Variants in EXOSC3 observed in about 807,000 individuals in gnomAD.
The protein encoded by EXOSC3 is exosome component 3, also known as exosome complex component RRP40.
EXOSC3 carries 18 observed loss-of-function variants against 25.1 expected under a neutral mutation model. That is an observed-to-expected ratio of 0.72 (90% CI 0.50 to 1.06). EXOSC3 has a LOEUF of 1.06. EXOSC3 is among the 50% of genes least tolerant of loss of function. The probability of loss-of-function intolerance (pLI) is 0.00; values close to 1 mark genes in which losing one functional copy is unlikely to be tolerated. For synonymous variants in EXOSC3, 165 were observed against 132.2 expected, an observed-to-expected ratio of 1.25 and a Z score of -1.70; for missense variants, 382 against 350.9, an observed-to-expected ratio of 1.09 and a Z score of -0.71.
rs748194453 is a variant in EXOSC3 at position 37,785,024 on chromosome 9, G to A, written c.21C>T (p.Val7=). Residue 7 remains valine, a synonymous_variant, in exon 1 of 4, where the codon GTC becomes GTT. Transcript: ENST00000327304. ...TGCTGCCCGCGAGAGATTCAGCCGC[G>A]ACAGACGCAGGTTCGGCCATCGCGG... MAEPAS[V]AAESLAGSRA... is the part of the protein sequence containing the mutation. 3 of 1,600,564 alleles carry A rather than the reference G, an allele frequency of 1.9e-6. No homozygotes were observed. The highest frequency in any genetic ancestry group is 1.1e-5 in the South Asian group (1 of 90,730).
In EXOSC3 at chr9:37,784,939, G is replaced by A; in HGVS notation, c.106C>T (p.Leu36=). ...CCTTCCGCGTCCTCCTGTTCCGGCA[G>A]GAGCAGCTCCTCACCCGGGAGCACC... ...QVVLPGEELL[L]PEQEDAEGPG... is the part of the protein sequence containing the mutation. The change falls in exon 1 of 4, where the codon CTG becomes TTG. Residue 36 remains leucine, a synonymous_variant. Transcript: ENST00000327304. 1.9e-6 allele frequency: 3 copies of A among 1,611,826 alleles called. No homozygotes were observed. The highest frequency in any genetic ancestry group is 2.2e-5 in the East Asian group (1 of 44,782).
chr9:37,781,880 A>T, intron 3 of EXOSC3, 106 bp downstream of exon 3: 1 of 1,239,430 alleles, frequency 8.1e-7, no homozygotes, highest in Non-Finnish European at 1.1e-6. Flanking sequence ...TCTAACTCTG[A>T]GGAGAAATTC....
At chr9:37,783,813 C>A in intron 2 of EXOSC3, 101 bp downstream of exon 2, 1 of 1,320,662 alleles carries the variant, frequency 7.6e-7, no homozygotes, top group Admixed American at 2.4e-5. Context: ...GCTCAGAGAT[C>A]TAGGTCATGC....
chr9:37,784,778 C>T lies in EXOSC3; in HGVS notation c.267G>A (p.Lys89=). The T allele has an allele frequency of 6.2e-7, 1 of 1,607,536 alleles. No homozygotes were observed. The highest frequency in any genetic ancestry group is 1.3e-5 in the African/African-American group (1 of 75,026). Reference sequence around the variant, plus strand: ...CGCCGCCGCTGCCACTGCCGGGCTCCTTGTGACGGAGGCGGCCGCACTTGG... The same window carrying T: ...CGCCGCCGCTGCCACTGCCGGGCTCTTTGTGACGGAGGCGGCCGCACTTGG... The part of the protein sequence containing the change: ...LVTKCGRLRH[K]EPGSGSGGGV... Residue 89 remains lysine, a synonymous_variant, in exon 1 of 4, where the codon AAG becomes AAA. Transcript: ENST00000327304.
chr9:37,781,287 C>T (rs1828588741), intron 3 of EXOSC3, among the ~76,000 whole-genome samples: 1 of 151,496 alleles, frequency 6.6e-6, no homozygotes, highest in Non-Finnish European at 1.5e-5. Context: ...CTCTTTCAAA[C>T]CATAAGGGTG....
chr9:37,781,273 T>C (rs746691482), intron 3 of EXOSC3, among the ~76,000 whole-genome samples: 1 of 151,810 alleles, frequency 6.6e-6, no homozygotes, highest in Non-Finnish European at 1.5e-5. Flanking sequence ...GAGAGGAACA[T>C]TGGCTCTTTC....
At chr9:37,781,467 A>AGTT (rs1330070349) in intron 3 of EXOSC3, among the ~76,000 whole-genome samples, 3 of 150,990 alleles carry the variant, frequency 2.0e-5, no homozygotes, top group Admixed American at 1.3e-4. Context: ...GGGTGGGTAA[A>AGTT]GTTCTAAACA....
Position 37,784,831 on chromosome 9 carries a change from G to C in EXOSC3, c.214C>G (p.Arg72Gly). 2 of 1,608,180 alleles carry C rather than the reference G, an allele frequency of 1.2e-6. No individual in the cohort carries two copies. Among genetic ancestry groups the C allele is most frequent in the Non-Finnish European group, 1.7e-6 (2 of 1,177,730 alleles). The change falls in exon 1 of 4, where the codon CGG (arginine) becomes GGG (glycine). Residue 72 changes from arginine (R) to glycine (G), a missense_variant. Arg to Gly is a moderately radical substitution (Grantham distance 125). Coordinates refer to ENST00000327304, the MANE Select transcript of EXOSC3 (RefSeq NM_016042.4). ...RVRVVCGPGL[R>G]RCGDRLLVTK... ...ACCAGCAGGCGGTCCCCACAGCGCC[G>C]AAGGCCCGGACCGCATACAACGCGC...
chr9:37,785,021 C>G lies in EXOSC3; in HGVS notation c.24G>C (p.Ala8=), dbSNP rs755145404. MAEPASV[A]AESLAGSRAR... ...CCCTGCTGCCCGCGAGAGATTCAGC[C>G]GCGACAGACGCAGGTTCGGCCATCG... Residue 8 remains alanine, a synonymous_variant, in exon 1 of 4, where the codon GCG becomes GCC. Coordinates refer to ENST00000327304, the MANE Select transcript of EXOSC3 (RefSeq NM_016042.4). The G allele has an allele frequency of 1.2e-6, 2 of 1,601,016 alleles. No homozygotes were observed. The highest frequency in any genetic ancestry group is 1.7e-6 in the Non-Finnish European group (2 of 1,171,996).
chr9:37,784,185 T>C, intron 1 of EXOSC3, 122 bp from the exon 2 acceptor site: 4 of 1,081,586 alleles, frequency 3.7e-6, no homozygotes, highest in Middle Eastern at 2.2e-4. Flanking sequence ...CAAATGCCAC[T>C]TTCGGTAAAA....
chr9:37,781,804 G>T, intron 3 of EXOSC3, 182 bp downstream of exon 3: 1 of 657,104 alleles, frequency 1.5e-6, no homozygotes, highest in Non-Finnish European at 2.5e-6. Flanking sequence ...ATCTGAATTT[G>T]ATATGTTTCC....
At chr9:37,781,810 T>C (rs1053816831) in intron 3 of EXOSC3, 176 bp downstream of exon 3, 5 of 686,214 alleles carry the variant, frequency 7.3e-6, no homozygotes, top group Non-Finnish European at 1.2e-5. Flanking sequence ...ATTTGATATG[T>C]TTCCAAGAAG....
chr9:37,780,725 G>T lies in EXOSC3; in HGVS notation c.782C>A (p.Thr261Lys), dbSNP rs565320740. 4 of 1,613,870 alleles carry T rather than the reference G, an allele frequency of 2.5e-6. No individual in the cohort carries two copies. In the South Asian group the frequency reaches 4.4e-5, roughly 18 times the overall value. Residue 261 changes from threonine to lysine, a missense_variant, in exon 4 of 4, where the codon ACG (threonine) becomes AAG (lysine). Thr to Lys is a moderately conservative substitution (Grantham distance 78, BLOSUM62 -1). Transcript: ENST00000327304. Reference sequence around the variant, plus strand: ...GAAGATCTGTTTTCTTTGATCTGACGTCATGTGTTCACAAGCTTCTAAAAT... The same window carrying T: ...GAAGATCTGTTTTCTTTGATCTGACTTCATGTGTTCACAAGCTTCTAAAAT... ...ANILEACEHM[T>K]SDQRKQIFSR... is the part of the protein sequence containing the mutation.
At position 37,784,821 on chromosome 9, in the gene EXOSC3, C is replaced by A. The variant is rs995146188; in HGVS notation, c.224G>T (p.Gly75Val). ...GCACTTGGTGACCAGCAGGCGGTCCCCACAGCGCCGAAGGCCCGGACCGCA... is the reference window on the plus strand; with the variant it reads ...GCACTTGGTGACCAGCAGGCGGTCCACACAGCGCCGAAGGCCCGGACCGCA... ...VVCGPGLRRC[G>V]DRLLVTKCGR... The change falls in exon 1 of 4, where the codon GGG becomes GTG. Residue 75 changes from glycine (G) to valine (V), a missense_variant. Transcript: ENST00000327304. 6.2e-7 allele frequency: 1 copy of A among 1,608,720 alleles called. No individual in the cohort carries two copies. Among genetic ancestry groups the A allele is most frequent in the Non-Finnish European group, 8.5e-7 (1 of 1,178,200 alleles).
At chr9:37,781,459 G>A (rs921639057) in intron 3 of EXOSC3, among the ~76,000 whole-genome samples, 2 of 150,788 alleles carry the variant, frequency 1.3e-5, no homozygotes, top group Admixed American at 1.3e-4. Flanking sequence ...ACAGCTTTGG[G>A]TGGGTAAAGT....
Position 37,785,040 on chromosome 9 carries a change from G to C in EXOSC3, c.5C>G (p.Ala2Gly), listed in dbSNP as rs754046728. The change falls in exon 1 of 4, where the codon GCC becomes GGC. Residue 2 changes from alanine to glycine, a missense_variant. Transcript: ENST00000327304. M[A>G]EPASVAAESL... Reference sequence around the variant, plus strand: ...TTCAGCCGCGACAGACGCAGGTTCGGCCATCGCGGGCTCCACCAAACACCG... The same window carrying C: ...TTCAGCCGCGACAGACGCAGGTTCGCCCATCGCGGGCTCCACCAAACACCG... 3.8e-5 allele frequency: 61 copies of C among 1,594,754 alleles called. No individual in the cohort carries two copies. Among genetic ancestry groups the C allele is most frequent in the Non-Finnish European group, 4.3e-5 (50 of 1,169,410 alleles).
intron 3 of EXOSC3, 133 bp from the exon 4 acceptor site, chr9:37,781,013 T>C (rs1041778483): frequency 2.8e-6 from 2 of 713,080 alleles, no homozygotes; most frequent in Admixed American, 2.8e-5. Flanking sequence ...GTGATGACAT[T>C]TGCTGCCTCC....
Position 37,783,974 on chromosome 9 carries a change from T to C in EXOSC3, c.414A>G (p.Pro138=), listed in dbSNP as rs1445940928. ...CAAATGACAAGTAAGACAAAGAAGC[T>C]GGCTCACTCCCTCCAACATCAACTT... is the stretch of plus-strand genomic sequence containing the variant. ...IFKVDVGGSE[P]ASLSYLSFEG... is the part of the protein sequence containing the mutation. Residue 138 remains proline (P), a synonymous_variant, in exon 2 of 4, where the codon CCA becomes CCG. Transcript: ENST00000327304. 1.9e-6 allele frequency: 3 copies of C among 1,613,798 alleles called. No homozygotes were observed. The highest frequency in any genetic ancestry group is 4.5e-5 in the East Asian group (2 of 44,880).
At chr9:37,784,696 C>T (rs767879780) in intron 1 of EXOSC3, 25 bp downstream of exon 1, 1 of 1,568,530 alleles carries the variant, frequency 6.4e-7, no homozygotes, top group African/African-American at 1.3e-5. Context: ...CACTGCCGCA[C>T]CACCCCTCCG....
Sources: allele counts gnomAD v4.1 joint callset (sites outside exome capture counted in the v4.1 genomes callset), GRCh38; gene constraint gnomAD v4.1.1; transcripts MANE v1.5; gene names NCBI Gene and HGNC (gene_info 2026-07-23, HGNC 2026-07-21).